Variants in UBE2E2 observed in about 807,000 individuals in gnomAD.
UBE2E2 encodes the protein ubiquitin conjugating enzyme E2 E2, also known as ubiquitin-conjugating enzyme E2 E2.
In UBE2E2, 6 loss-of-function variants were observed where a neutral mutation model predicts 24.7. The ratio of observed to expected loss-of-function variants is 0.24; its 90% CI spans 0.13 to 0.48. The LOEUF is 0.48. Among genes scored for constraint, UBE2E2 ranks in the 20% least tolerant of loss-of-function variants. The probability of loss-of-function intolerance (pLI) is 0.99; values close to 1 mark genes in which losing one functional copy is unlikely to be tolerated. For synonymous variants in UBE2E2, 104 were observed against 83.6 expected (o/e 1.24, Z -1.33); for missense variants, 169 against 245.0 (o/e 0.69, Z 2.07).
rs566735523 is a variant in UBE2E2 at position 23,365,436 on chromosome 3, A to G, written c.228-134172A>G. Among the ~76,000 whole-genome samples, 3 of 152,374 alleles carry G rather than the reference A, an allele frequency of 2.0e-5. No homozygotes were observed. In the East Asian group the frequency reaches 5.8e-4, roughly 29 times the overall value. ...CAGTAAAGTCTCAGAAGACAAAATCAGTGCACAAAAACCAGTAGCATTTCT... is the reference window on the plus strand; with the variant it reads ...CAGTAAAGTCTCAGAAGACAAAATCGGTGCACAAAAACCAGTAGCATTTCT... On this transcript the variant is annotated intron_variant, in intron 3 of 5. Transcript: ENST00000396703.
intron 3 of UBE2E2, among the ~76,000 whole-genome samples, chr3:23,279,852 G>A (rs1159611558): frequency 2.6e-5 from 4 of 152,182 alleles, no homozygotes; most frequent in South Asian, 2.1e-4. Context: ...AGTTAACAGT[G>A]TAGGCATACA....
At chr3:23,500,756 T>C (rs999091741) in intron 4 of UBE2E2, among the ~76,000 whole-genome samples, 6 of 152,218 alleles carry the variant, frequency 3.9e-5, no homozygotes, top group Non-Finnish European at 8.8e-5. Flanking sequence ...GATGCTTAGA[T>C]AGTGTTACCA....
At chr3:23,358,785 T>C (rs541117299) in intron 3 of UBE2E2, among the ~76,000 whole-genome samples, 1 of 152,366 alleles carries the variant, frequency 6.6e-6, no homozygotes, top group East Asian at 1.9e-4. Context: ...CTTTAAGTTA[T>C]TGTGCCATTG....
At chr3:23,576,330 A>T (rs1015185178) in intron 5 of UBE2E2, among the ~76,000 whole-genome samples, 2 of 152,182 alleles carry the variant, frequency 1.3e-5, no homozygotes, top group Non-Finnish European at 2.9e-5. Context: ...GATACAGTGG[A>T]ACTGCCGGAG....
intron 5 of UBE2E2, among the ~76,000 whole-genome samples, chr3:23,574,650 G>A (rs1446617738): frequency 6.6e-6 from 1 of 152,070 alleles, no homozygotes; most frequent in Non-Finnish European, 1.5e-5. Context: ...CAAGGAGTTT[G>A]AGGCTATAGT....
intron 3 of UBE2E2, among the ~76,000 whole-genome samples, chr3:23,398,992 A>C (rs942504130): frequency 2.0e-5 from 3 of 152,344 alleles, no homozygotes; most frequent in African/African-American, 7.2e-5. Context: ...CCAAGACCCC[A>C]GTGGATGCCT....
chr3:23,384,061 C>G (rs1695571869), intron 3 of UBE2E2, among the ~76,000 whole-genome samples: 1 of 152,106 alleles, frequency 6.6e-6, no homozygotes, highest in African/African-American at 2.4e-5. Context: ...AGTGATGCAA[C>G]CATAGCTCAC....
At chr3:23,255,172 C>T (rs1465141647) in intron 3 of UBE2E2, among the ~76,000 whole-genome samples, 1 of 147,370 alleles carries the variant, frequency 6.8e-6, no homozygotes, top group Non-Finnish European at 1.5e-5. Context: ...CTATAATCTC[C>T]TCCCATGCTC....
Position 23,430,241 on chromosome 3 carries a change from C to T in UBE2E2, c.228-69367C>T, listed in dbSNP as rs116326141. On this transcript the variant is annotated intron_variant, in intron 3 of 5. Transcript: ENST00000396703. ...ATAATAGCGCAGCTTATTCTATAAT[C>T]GACATAAATGGTCATATGATTTGTG... Among the ~76,000 whole-genome samples, 301 of 152,184 alleles carry T rather than the reference C, an allele frequency of 2.0e-3. 1 individual carries two copies. Among genetic ancestry groups the T allele is most frequent in the Non-Finnish European group, 3.2e-3 (216 of 67,994 alleles).
At chr3:23,225,814 C>T (rs1001071273) in intron 3 of UBE2E2, among the ~76,000 whole-genome samples, 5 of 152,006 alleles carry the variant, frequency 3.3e-5, no homozygotes, top group African/African-American at 4.8e-5. Context: ...TGTGACTGGA[C>T]ATAAACCTAA....
chr3:23,317,881 C>G (rs1559345614), intron 3 of UBE2E2, among the ~76,000 whole-genome samples: 1 of 151,876 alleles, frequency 6.6e-6, no homozygotes, highest in Non-Finnish European at 1.5e-5. Flanking sequence ...GTGCCTCTTT[C>G]AGCAATATGA....
intron 3 of UBE2E2, among the ~76,000 whole-genome samples, chr3:23,368,453 A>G (rs980360550): frequency 1.2e-4 from 18 of 152,294 alleles, no homozygotes; most frequent in African/African-American, 4.3e-4. Flanking sequence ...AGCCATTATA[A>G]TGATCAAGTT....
chr3:23,239,488 G>C (rs1389546175), intron 3 of UBE2E2, among the ~76,000 whole-genome samples: 1 of 151,998 alleles, frequency 6.6e-6, no homozygotes, highest in Non-Finnish European at 1.5e-5. Flanking sequence ...TGTCTCTATG[G>C]ATTTGTCTAT....
chr3:23,555,790 A>G (rs1238724164), intron 5 of UBE2E2, among the ~76,000 whole-genome samples: 1 of 152,216 alleles, frequency 6.6e-6, no homozygotes, highest in Non-Finnish European at 1.5e-5. Flanking sequence ...AAACTATTGC[A>G]TCTCATTTAT....
chr3:23,283,529 C>T (rs13100605), intron 3 of UBE2E2, among the ~76,000 whole-genome samples: 11,329 of 152,080 alleles, frequency 0.074, 554 homozygotes, highest in Non-Finnish European at 0.093. Flanking sequence ...CTCAGGAGTT[C>T]GAGCCTGAGC....
intron 3 of UBE2E2, among the ~76,000 whole-genome samples, chr3:23,357,835 G>A (rs1696003416): frequency 7.5e-6 from 1 of 133,150 alleles, no homozygotes; most frequent in Admixed American, 8.5e-5. Flanking sequence ...GAAGACGGAA[G>A]GAAATCTATT....
At chr3:23,311,260 A>T (rs904804516) in intron 3 of UBE2E2, among the ~76,000 whole-genome samples, 1 of 152,284 alleles carries the variant, frequency 6.6e-6, no homozygotes, top group South Asian at 2.1e-4. Flanking sequence ...TCTATCATTG[A>T]TGGACATTTG....
intron 3 of UBE2E2, among the ~76,000 whole-genome samples, chr3:23,310,692 T>A (rs1694350506): frequency 6.6e-6 from 1 of 152,174 alleles, no homozygotes. Context: ...AAGACCAGCC[T>A]GGTCAATATA....
At chr3:23,337,139 CAA>C (rs1053628403) in intron 3 of UBE2E2, among the ~76,000 whole-genome samples, 31 of 74,214 alleles carry the variant, frequency 4.2e-4, no homozygotes, top group Admixed American at 4.6e-4. Flanking sequence ...GAGCCTGTCT[CAA>C]AAAAAAAAAA....
Sources: gnomAD v4.1 joint callset for allele counts (sites outside exome capture counted in the v4.1 genomes callset) on GRCh38, gnomAD v4.1.1 for gene constraint, MANE v1.5 for transcripts, NCBI Gene and HGNC (gene_info 2026-07-23, HGNC 2026-07-21) for gene names.